The following GLRA2 variants were observed in gnomAD, a reference collection of about 807,000 sequenced individuals.
GLRA2 encodes glycine receptor subunit alpha-2.
Under a neutral mutation model 31.6 loss-of-function variants are expected in GLRA2, and 11 were observed. That is an observed-to-expected ratio of 0.35 (90% CI 0.22 to 0.58). The LOEUF (loss-of-function observed/expected upper bound fraction) is 0.58. Ranked by LOEUF, GLRA2 falls within the 20% of genes least tolerant of loss-of-function variation. GLRA2 has a pLI of 0.84. For missense variants in GLRA2, 212 were observed against 351.8 expected, an observed-to-expected ratio of 0.60 and a Z score of 3.18; for synonymous variants, 132 against 134.0, an observed-to-expected ratio of 0.99 and a Z score of 0.10.
At chrX:14,667,531 C>T (rs1230992454) in intron 7 of GLRA2, among the ~76,000 whole-genome samples, 2 of 111,667 alleles carry the variant, frequency 1.8e-5, no homozygotes, top group African/African-American at 6.5e-5. Flanking sequence ...GACTCCTGGA[C>T]TTCAGCTTAG....
In GLRA2 at chrX:14,627,072, G is replaced by A. The variant is rs760360741; in HGVS notation, c.930+17867G>A. Among the ~76,000 whole-genome samples the A allele has an allele frequency of 8.1e-5, 9 of 110,934 alleles. No individual in the cohort carries two copies. In the East Asian group the frequency reaches 1.7e-3, roughly 21 times the overall value. ...GGGTAGTGGTTACATGGTTATGTTC[G>A]TTTTGTGGTGATTCATTAAACTATA... On this transcript the variant is annotated intron_variant, in intron 7 of 8. Transcript: ENST00000218075.
chrX:14,509,912 G>C, the GLRA2 span, among the ~76,000 whole-genome samples: 1 of 111,718 alleles, frequency 9.0e-6, no homozygotes, highest in Non-Finnish European at 1.9e-5. Context: ...ATTTAGAAGA[G>C]GGGAAAGTAA....
At chrX:14,569,745 C>T (rs2089858626) in intron 2 of GLRA2, among the ~76,000 whole-genome samples, 2 of 112,514 alleles carry the variant, frequency 1.8e-5, no homozygotes, top group African/African-American at 6.5e-5. Context: ...CCAGCAATTC[C>T]ACTTCTTAGT....
chrX:14,695,246 G>A (rs2091427544), intron 8 of GLRA2, among the ~76,000 whole-genome samples: 1 of 111,363 alleles, frequency 9.0e-6, no homozygotes, highest in South Asian at 3.8e-4. Flanking sequence ...CAAAGGAAAT[G>A]GTGACAAACC....
intron 3 of GLRA2, chrX:14,574,693 A>C (rs1203523571): frequency 3.5e-5 from 17 of 485,966 alleles, no homozygotes. Context: ...GCAATAATTT[A>C]TACTACTTTA....
At chrX:14,729,535 T>A (rs762812997) in intron 8 of GLRA2, among the ~76,000 whole-genome samples, 6 of 111,850 alleles carry the variant, frequency 5.4e-5, no homozygotes, top group African/African-American at 1.9e-4. Context: ...AATGACACAT[T>A]TAAATATGGT....
intron 2 of GLRA2, among the ~76,000 whole-genome samples, chrX:14,542,679 T>C (rs899615686): frequency 2.7e-5 from 3 of 110,850 alleles, no homozygotes; most frequent in Admixed American, 9.6e-5. Flanking sequence ...TCTTTAAGTG[T>C]AGGGGTGCAT....
At chrX:14,652,033 G>A (rs1353694217) in intron 7 of GLRA2, among the ~76,000 whole-genome samples, 1 of 111,376 alleles carries the variant, frequency 9.0e-6, no homozygotes, top group Non-Finnish European at 1.9e-5. Flanking sequence ...CAATGAGAAA[G>A]CAGCCATTCA....
intron 5 of GLRA2, among the ~76,000 whole-genome samples, chrX:14,604,613 A>G (rs1244017417): frequency 9.6e-6 from 1 of 104,573 alleles, no homozygotes; most frequent in Non-Finnish European, 2.0e-5. Context: ...TCTCATTATC[A>G]ATACAGCATA....
At chrX:14,569,320 A>G (rs905724917) in intron 2 of GLRA2, among the ~76,000 whole-genome samples, 3 of 112,436 alleles carry the variant, frequency 2.7e-5, no homozygotes, top group African/African-American at 9.7e-5. Flanking sequence ...ATCAAAGGAC[A>G]TTATGAAGAA....
rs145435610 is a variant in GLRA2 at position 14,571,908 on chromosome X, A to C, written c.203-2425A>C. On this transcript the variant is annotated intron_variant, in intron 2 of 8. Coordinates refer to ENST00000218075, the MANE Select transcript of GLRA2 (RefSeq NM_002063.4). The stretch of plus-strand genomic sequence containing the variant: ...GAGGGAAGTGCAACAAAAAGGTTGA[A>C]AGTTTAGGTTTTTGGAATCAGAATG... Among the ~76,000 whole-genome samples, 630 of 111,664 alleles carry C rather than the reference A, an allele frequency of 5.6e-3. 8 individuals carry two copies. The highest frequency in any genetic ancestry group is 0.019 in the African/African-American group (596 of 30,755).
At chrX:14,643,132 T>C (rs1403222028) in intron 7 of GLRA2, among the ~76,000 whole-genome samples, 1 of 111,772 alleles carries the variant, frequency 8.9e-6, no homozygotes, top group Non-Finnish European at 1.9e-5. Flanking sequence ...GGGAAACAGG[T>C]ATGTTAGTTG....
the GLRA2 span, among the ~76,000 whole-genome samples, chrX:14,480,983 C>T: frequency 1.9e-5 from 2 of 106,183 alleles, no homozygotes; most frequent in East Asian, 3.3e-4. Context: ...GCCATTTTAA[C>T]GATATTGATT....
chrX:14,482,876 ATATTAT>A, the GLRA2 span, among the ~76,000 whole-genome samples: 22 of 110,776 alleles, frequency 2.0e-4, no homozygotes, highest in Non-Finnish European at 4.0e-4. Context: ...TGTAAGTTAG[ATATTAT>A]TATTATTTTC....
At chrX:14,490,221 G>T in the GLRA2 span, among the ~76,000 whole-genome samples, 1 of 112,036 alleles carries the variant, frequency 8.9e-6, no homozygotes, top group Admixed American at 9.4e-5. Context: ...GGGGCTGCAT[G>T]TACACTGTGT....
At chrX:14,547,975 G>A in intron 2 of GLRA2, among the ~76,000 whole-genome samples, 1 of 111,955 alleles carries the variant, frequency 8.9e-6, no homozygotes, top group Middle Eastern at 4.7e-3. Context: ...TTTAAAAATT[G>A]ATAACACTAA....
chrX:14,638,539 T>C (rs2090739563), intron 7 of GLRA2, among the ~76,000 whole-genome samples: 1 of 111,199 alleles, frequency 9.0e-6, no homozygotes, highest in Non-Finnish European at 1.9e-5. Context: ...TCCATTACTT[T>C]TGGGTTTGAG....
At chrX:14,555,749 A>T (rs2089634016) in intron 2 of GLRA2, among the ~76,000 whole-genome samples, 1 of 112,364 alleles carries the variant, frequency 8.9e-6, no homozygotes, top group Non-Finnish European at 1.9e-5. Context: ...TGAAGAAATG[A>T]AGGCCGATTA....
At chrX:14,615,687 T>C (rs1056556410) in intron 7 of GLRA2, among the ~76,000 whole-genome samples, 7 of 110,901 alleles carry the variant, frequency 6.3e-5, no homozygotes, top group African/African-American at 2.3e-4. Flanking sequence ...TTCCAGGCAA[T>C]GAGGACCTTC....
Sources: gnomAD v4.1 joint callset for allele counts (sites outside exome capture counted in the v4.1 genomes callset) on GRCh38, gnomAD v4.1.1 for gene constraint, MANE v1.5 for transcripts, NCBI Gene and HGNC (gene_info 2026-07-23, HGNC 2026-07-21) for gene names.